BCL7A: variants seen among roughly 807,000 people sequenced by gnomAD.
BCL7A encodes the protein BAF chromatin remodeling complex subunit BCL7A.
Under a neutral mutation model 28.4 loss-of-function variants are expected in BCL7A, and 11 were observed. That is an observed-to-expected ratio of 0.39 (90% CI 0.24 to 0.64). The LOEUF is 0.64. Among genes scored for constraint, BCL7A ranks in the 30% least tolerant of loss-of-function variants. BCL7A has a pLI of 0.50. For synonymous variants in BCL7A, 123 were observed against 103.3 expected, an observed-to-expected ratio of 1.19 and a Z score of -1.15; for missense variants, 222 against 274.8, an observed-to-expected ratio of 0.81 and a Z score of 1.36.
rs1951917932 is a variant in BCL7A, at chr12:122,061,168, T to A, written c.*2005T>A. On this transcript the variant is annotated 3_prime_UTR_variant, in exon 6 of 6. Transcript: ENST00000261822. Reference sequence around the variant, plus strand: ...TCTTGGTGAGAGATGAATTTGGATATTTATTTCCTTCTCTGTTTTTGGGAA... The same window carrying A: ...TCTTGGTGAGAGATGAATTTGGATAATTATTTCCTTCTCTGTTTTTGGGAA... 1 of 226,576 alleles carries A rather than the reference T, an allele frequency of 4.4e-6. No individual in the cohort carries two copies. The highest frequency in any genetic ancestry group is 2.2e-5 in the African/African-American group (1 of 45,034). 14.0% of individuals were successfully genotyped at this position (226,576 alleles called of 1,614,324 possible).
In BCL7A at chr12:122,060,316, C is replaced by G. The variant is rs371732893; in HGVS notation, c.*1153C>G. ...CAACAGCTGGACCGTGTCTCATCCCCAGAACATGCCGTCTGTCCCCACCGG... is the reference window on the plus strand; with the variant it reads ...CAACAGCTGGACCGTGTCTCATCCCGAGAACATGCCGTCTGTCCCCACCGG... On this transcript the variant is annotated 3_prime_UTR_variant, in exon 6 of 6. Coordinates refer to ENST00000261822, the MANE Select transcript of BCL7A (RefSeq NM_001024808.3). 21 of 232,790 alleles carry G rather than the reference C, an allele frequency of 9.0e-5. No individual in the cohort carries two copies. Among genetic ancestry groups the G allele is most frequent in the Admixed American group, 3.4e-4 (6 of 17,764 alleles). 14.4% of individuals were successfully genotyped at this position (232,790 alleles called of 1,614,324 possible). A position where few individuals can be genotyped will look rare whatever the true frequency, so the allele number is the denominator to read the frequency against.
At chr12:122,038,356 T>C (rs757761612) in intron 3 of BCL7A, among the ~76,000 whole-genome samples, 1 of 136,770 alleles carries the variant, frequency 7.3e-6, no homozygotes. Flanking sequence ...CGCTTGAATC[T>C]GGGAGGCGGA....
At chr12:122,040,596 C>A (rs1180513480) in intron 3 of BCL7A, among the ~76,000 whole-genome samples, 1 of 150,578 alleles carries the variant, frequency 6.6e-6, no homozygotes, top group Non-Finnish European at 1.5e-5. Context: ...CCAGAAAAAT[C>A]TAGGATGCTG....
intron 1 of BCL7A, among the ~76,000 whole-genome samples, chr12:122,023,554 GA>G: frequency 6.6e-6 from 1 of 152,232 alleles, no homozygotes; most frequent in East Asian, 1.9e-4. Flanking sequence ...GCCTCCTATG[GA>G]AAGGGCTGGC....
chr12:122,046,305 C>T (rs1884076482), intron 4 of BCL7A, among the ~76,000 whole-genome samples: 1 of 152,110 alleles, frequency 6.6e-6, no homozygotes, highest in African/African-American at 2.4e-5. Context: ...GCGCCTTGCA[C>T]ACCCATGAGG....
chr12:122,038,427 GCC>G (rs1275604152), intron 3 of BCL7A, among the ~76,000 whole-genome samples: 9,061 of 60,676 alleles, frequency 0.15, 1,508 homozygotes, highest in African/African-American at 0.38. Flanking sequence ...GCGAGACTCT[GCC>G]TCAAAAAAAA....
intron 5 of BCL7A, among the ~76,000 whole-genome samples, chr12:122,055,887 G>A (rs931093577): frequency 3.9e-5 from 6 of 152,196 alleles, no homozygotes; most frequent in African/African-American, 1.4e-4. Flanking sequence ...AAAGTGCTGG[G>A]ATTACAGGCG....
At chr12:122,052,686 T>C (rs974628638) in intron 4 of BCL7A, among the ~76,000 whole-genome samples, 4 of 151,528 alleles carry the variant, frequency 2.6e-5, no homozygotes, top group Non-Finnish European at 5.9e-5. Flanking sequence ...TTGTTTTTTG[T>C]TTTGTTTTGT....
intron 2 of BCL7A, among the ~76,000 whole-genome samples, chr12:122,034,425 TAAAA>T (rs35998182): frequency 3.4e-5 from 4 of 118,388 alleles, no homozygotes; most frequent in Admixed American, 9.1e-5. Context: ...ATTCCTTTCG[TAAAA>T]AAAAAAAAAA....
Position 122,050,745 on chromosome 12 carries a change from A to C in BCL7A, c.440-4060A>C, listed in dbSNP as rs560604601. ...TGGGAGGTGGAGGCTGCAGTGAGCC[A>C]TGATCGTGCCACTGCACTCCAGCTT... is the stretch of plus-strand genomic sequence containing the variant. On this transcript the variant is annotated intron_variant, in intron 4 of 5. Transcript: ENST00000261822. 2.0e-5 allele frequency among the ~76,000 whole-genome samples: 3 copies of C among 152,340 alleles called. No homozygotes were observed. In the East Asian group the frequency reaches 5.8e-4, roughly 29 times the overall value.
chr12:122,030,329 T>C (rs557013492), intron 1 of BCL7A, among the ~76,000 whole-genome samples: 169 of 152,342 alleles, frequency 1.1e-3, no homozygotes, highest in African/African-American at 3.8e-3. Flanking sequence ...CCTGCTGGCC[T>C]GAAGCCCTCT....
At chr12:122,036,393 G>T (rs1021340770) in intron 3 of BCL7A, among the ~76,000 whole-genome samples, 4 of 152,148 alleles carry the variant, frequency 2.6e-5, no homozygotes, top group Non-Finnish European at 5.9e-5. Flanking sequence ...GGGCAATACA[G>T]TGAGACCCCA....
intron 1 of BCL7A, among the ~76,000 whole-genome samples, chr12:122,024,654 G>C (rs1273758969): frequency 6.6e-6 from 1 of 151,898 alleles, no homozygotes; most frequent in East Asian, 1.9e-4. Context: ...TGGGGGGGTG[G>C]GGTTGCCAGG....
chr12:122,057,181 A>G (rs1018363780), intron 5 of BCL7A, among the ~76,000 whole-genome samples: 3 of 152,212 alleles, frequency 2.0e-5, no homozygotes, highest in African/African-American at 7.2e-5. Flanking sequence ...TGAGCCGGAC[A>G]TGAAGGGGGC....
chr12:122,056,173 A>G (rs367817667), intron 5 of BCL7A, among the ~76,000 whole-genome samples: 26 of 152,378 alleles, frequency 1.7e-4, no homozygotes, highest in African/African-American at 6.3e-4. Context: ...TAAAAACAGT[A>G]GAAACCAAAG....
intron 1 of BCL7A, among the ~76,000 whole-genome samples, chr12:122,024,460 T>C: frequency 1.1e-5 from 1 of 92,948 alleles, no homozygotes; most frequent in East Asian, 5.8e-4. Flanking sequence ...TTGAGGTTTT[T>C]TGTTTTTTTT....
At chr12:122,023,077 T>A (rs557130173) in intron 1 of BCL7A, among the ~76,000 whole-genome samples, 1 of 152,126 alleles carries the variant, frequency 6.6e-6, no homozygotes, top group Admixed American at 6.5e-5. Flanking sequence ...CGGGATCACA[T>A]TAGCGTCCGC....
intron 4 of BCL7A, chr12:122,044,360 T>G: frequency 8.2e-6 from 2 of 244,050 alleles, no homozygotes; most frequent in South Asian, 7.2e-5. Context: ...AAAAAAAAAA[T>G]AGCCAAGTGT....
chr12:122,046,904 GTTTT>G (rs746529090), intron 4 of BCL7A, among the ~76,000 whole-genome samples: 1 of 138,882 alleles, frequency 7.2e-6, no homozygotes, highest in African/African-American at 2.6e-5. Flanking sequence ...TATTTCTTGG[GTTTT>G]TTTTTTTTTT....
Sources: gnomAD v4.1 joint callset for allele counts (sites outside exome capture counted in the v4.1 genomes callset) on GRCh38, gnomAD v4.1.1 for gene constraint, MANE v1.5 for transcripts, NCBI Gene and HGNC (gene_info 2026-07-23, HGNC 2026-07-21) for gene names.